The following ACSM2B variants were observed in gnomAD, a reference collection of about 807,000 sequenced individuals.
The protein encoded by ACSM2B is acyl-CoA synthetase medium chain family member 2B.
A neutral mutation model predicts 78.6 loss-of-function variants in ACSM2B; 58 were observed. The ratio of observed to expected loss-of-function variants is 0.74; its 90% CI spans 0.60 to 0.92. The LOEUF is 0.92. Ranked by LOEUF, ACSM2B falls within the 40% of genes least tolerant of loss-of-function variation. The pLI, the probability that ACSM2B is intolerant of heterozygous loss-of-function variation, is 0.00. For missense variants in ACSM2B, 688 were observed against 711.2 expected (o/e 0.97, Z 0.37); for synonymous variants, 257 against 256.8 (o/e 1.00, Z -0.01).
chr16:20,559,091 G>T (rs2015561767), intron 3 of ACSM2B, 146 bp downstream of exon 3: 10 of 1,428,048 alleles, frequency 7.0e-6, no homozygotes, highest in Non-Finnish European at 9.2e-6. Context: ...TTAAATAAGT[G>T]GAAGCAGGGA....
chr16:20,551,452 TCTCTCAAC>T (rs1448246648), intron 6 of ACSM2B, among the ~76,000 whole-genome samples: 1 of 151,906 alleles, frequency 6.6e-6, no homozygotes, highest in East Asian at 1.9e-4. Flanking sequence ...CAGCACTGTC[TCTCTCAAC>T]CATGTGAGAA....
chr16:20,544,741 C>G (rs543813257), intron 10 of ACSM2B: 11 of 986,154 alleles, frequency 1.1e-5, no homozygotes, highest in Non-Finnish European at 1.2e-5. Context: ...AGGGATTCCT[C>G]CAACTAGATG....
intron 6 of ACSM2B, 43 bp from the exon 7 acceptor site, chr16:20,548,516 A>T (rs2015212360): frequency 6.2e-7 from 1 of 1,612,942 alleles, no homozygotes. Context: ...ACCAGGTCAA[A>T]TGCCAACTTA....
At chr16:20,547,817 A>C (rs2015184595) in intron 8 of ACSM2B, 1 of 1,063,408 alleles carries the variant, frequency 9.4e-7, no homozygotes, top group Non-Finnish European at 1.2e-6. Flanking sequence ...GCCATGCTAG[A>C]TATTTCTTAG....
chr16:20,572,954 T>C (rs931081728), intron 1 of ACSM2B, among the ~76,000 whole-genome samples: 1 of 149,058 alleles, frequency 6.7e-6, no homozygotes, highest in Non-Finnish European at 1.5e-5. Context: ...TCACTGAAGA[T>C]TTCTCCCCTC....
rs146363626 is a variant in ACSM2B at position 20,552,981 on chromosome 16, C to T, written c.741-684G>A. Reference sequence around the variant, plus strand: ...TTTATATCTGCAAAAAATGAGACCACTACCAAATTTTTTGGGGGAAGGGGA... The same window carrying T: ...TTTATATCTGCAAAAAATGAGACCATTACCAAATTTTTTGGGGGAAGGGGA... On this transcript the variant is annotated intron_variant, in intron 5 of 13. Transcript: ENST00000329697. Among the ~76,000 whole-genome samples, 24 of 152,278 alleles carry T rather than the reference C, an allele frequency of 1.6e-4. No individual in the cohort carries two copies. The East Asian group carries it at 2.9e-3, about 18-fold the overall frequency.
At chr16:20,553,036 T>C (rs780952325) in intron 5 of ACSM2B, among the ~76,000 whole-genome samples, 34 of 152,214 alleles carry the variant, frequency 2.2e-4, no homozygotes, top group Non-Finnish European at 4.1e-4. Context: ...TTTAAGTAAT[T>C]TATCCCCATC....
chr16:20,572,918 G>T (rs572968310), intron 1 of ACSM2B, among the ~76,000 whole-genome samples: 1 of 150,174 alleles, frequency 6.7e-6, no homozygotes, highest in South Asian at 2.1e-4. Context: ...CTAAAGTTAT[G>T]ATTGTTTTTA....
At chr16:20,540,245 G>GT (rs2014950110) in intron 13 of ACSM2B, among the ~76,000 whole-genome samples, 1 of 125,180 alleles carries the variant, frequency 8.0e-6, no homozygotes, top group African/African-American at 2.8e-5. Context: ...TTGTTTGTTT[G>GT]TTTGGTTTTT....
chr16:20,555,053 T>G (rs1480197154), intron 4 of ACSM2B, among the ~76,000 whole-genome samples: 2 of 152,144 alleles, frequency 1.3e-5, no homozygotes, highest in African/African-American at 2.4e-5. Flanking sequence ...GCATTCTATG[T>G]GCTGCTCAGA....
At chr16:20,566,689 CTATATATAGT>C (rs2015873470) in intron 1 of ACSM2B, among the ~76,000 whole-genome samples, 1 of 4,208 alleles carries the variant, frequency 2.4e-4, no homozygotes, top group Non-Finnish European at 4.8e-4. Context: ...ATAGTATATA[CTATATATAGT>C]ATATATATAG....
chr16:20,572,849 G>A (rs1259171734), intron 1 of ACSM2B, among the ~76,000 whole-genome samples: 1 of 151,384 alleles, frequency 6.6e-6, no homozygotes, highest in African/African-American at 2.4e-5. Context: ...TATTTCTTCT[G>A]CTTGTTCAAT....
intron 6 of ACSM2B, among the ~76,000 whole-genome samples, 157 bp from the exon 7 acceptor site, chr16:20,548,630 A>G (rs2015215203): frequency 6.6e-6 from 1 of 152,218 alleles, no homozygotes; most frequent in African/African-American, 2.4e-5. Context: ...TGAGCCCCAC[A>G]ACTCTCATGC....
At chr16:20,540,556 T>C (rs2014960718) in intron 13 of ACSM2B, 98 bp downstream of exon 13, 1 of 1,548,094 alleles carries the variant, frequency 6.5e-7, no homozygotes, top group South Asian at 1.2e-5. Context: ...GAAGACTTTT[T>C]AAAATTAGAA....
Position 20,548,152 on chromosome 16 carries a change from A to T in ACSM2B, c.1008T>A (p.Ala336=). The T allele has an allele frequency of 6.2e-7, 1 of 1,614,074 alleles. No homozygotes were observed. Among genetic ancestry groups the T allele is most frequent in the Admixed American group, 1.7e-5 (1 of 60,018 alleles). ...TTTCTGGAAGAAGGGACTCCCCTCC[A>T]GCGAGGCAGTTCTGTAGATGGGGGA... The part of the protein sequence containing the change: ...YKFPHLQNCL[A]GGESLLPETL... The change falls in exon 8 of 14, where the codon GCT becomes GCA. Residue 336 remains alanine, a synonymous_variant. Coordinates refer to ENST00000329697, the MANE Select transcript of ACSM2B (RefSeq NM_001105069.2).
At chr16:20,555,778 A>G (rs2015455462) in intron 3 of ACSM2B, among the ~76,000 whole-genome samples, 1 of 152,148 alleles carries the variant, frequency 6.6e-6, no homozygotes, top group African/African-American at 2.4e-5. Flanking sequence ...ACCCCTCAAA[A>G]AAAATTTTCT....
intron 9 of ACSM2B, 120 bp from the exon 10 acceptor site, chr16:20,545,378 G>C: frequency 8.2e-7 from 1 of 1,220,936 alleles, no homozygotes; most frequent in Non-Finnish European, 1.1e-6. Flanking sequence ...GACTGAAAAC[G>C]ACAACCAAAA....
intron 12 of ACSM2B, chr16:20,541,277 C>G: frequency 6.3e-6 from 1 of 158,478 alleles, no homozygotes; most frequent in South Asian, 1.9e-4. Context: ...CCATAATTTT[C>G]TGTGTGATGT....
At chr16:20,570,707 T>C (rs1443211785) in intron 1 of ACSM2B, among the ~76,000 whole-genome samples, 2 of 151,560 alleles carry the variant, frequency 1.3e-5, no homozygotes, top group Non-Finnish European at 3.0e-5. Context: ...GTTGTCGTTG[T>C]TGTTGTTGTT....
Sources: allele counts gnomAD v4.1 joint callset (sites outside exome capture counted in the v4.1 genomes callset), GRCh38; gene constraint gnomAD v4.1.1; transcripts MANE v1.5; gene names NCBI Gene and HGNC (gene_info 2026-07-23, HGNC 2026-07-21).